LPGAT1: variants seen among roughly 807,000 people sequenced by gnomAD.
LPGAT1 encodes the protein acyl-CoA:lysophosphatidylglycerol acyltransferase 1.
Under a neutral mutation model 47.5 loss-of-function variants are expected in LPGAT1, and 11 were observed. The ratio of observed to expected loss-of-function variants is 0.23; its 90% CI spans 0.15 to 0.38. LPGAT1 has a LOEUF of 0.38. Ranked by LOEUF, LPGAT1 falls within the 10% of genes least tolerant of loss-of-function variation. The pLI, the probability that LPGAT1 is intolerant of heterozygous loss-of-function variation, is 1.00. For missense variants in LPGAT1, 293 were observed against 439.0 expected (o/e 0.67, Z 2.97); for synonymous variants, 138 against 144.2 (o/e 0.96, Z 0.31).
chr1:211,806,027 A>G (rs1387431331), intron 2 of LPGAT1, among the ~76,000 whole-genome samples: 3 of 152,216 alleles, frequency 2.0e-5, no homozygotes, highest in Non-Finnish European at 4.4e-5. Flanking sequence ...TGGGAAGCCA[A>G]GGTGGGTGGA....
chr1:211,782,640 T>A (rs548740568), intron 5 of LPGAT1, among the ~76,000 whole-genome samples: 2 of 151,954 alleles, frequency 1.3e-5, no homozygotes, highest in East Asian at 1.9e-4. Context: ...GAGGTTGAGG[T>A]GGGAAGATCG....
chr1:211,801,167 T>G (rs1291018294), intron 2 of LPGAT1, among the ~76,000 whole-genome samples: 1 of 152,200 alleles, frequency 6.6e-6, no homozygotes, highest in East Asian at 1.9e-4. Flanking sequence ...CACTTCCAGC[T>G]TGAAACAAGG....
chr1:211,801,547 C>CA (rs1283840458), intron 2 of LPGAT1, among the ~76,000 whole-genome samples: 2 of 151,638 alleles, frequency 1.3e-5, no homozygotes, highest in East Asian at 1.9e-4. Flanking sequence ...CTCATCTCTA[C>CA]AAAAAAAATT....
chr1:211,829,135 G>A lies in LPGAT1; in HGVS notation c.162C>T (p.Phe54=), dbSNP rs778835318. Residue 54 remains phenylalanine, a synonymous_variant, in exon 2 of 8, where the codon TTC becomes TTT. Transcript: ENST00000366997. The part of the protein sequence containing the change: ...QPLRVLDSKR[F]WYIEGIMYKW... ...TATACATGATTCCTTCGATATACCAGAACCGCTTACTGTCCAGCACTCGAA... is the reference window on the plus strand; with the variant it reads ...TATACATGATTCCTTCGATATACCAAAACCGCTTACTGTCCAGCACTCGAA... The A allele has an allele frequency of 1.9e-6, 3 of 1,614,060 alleles. No homozygotes were observed. The highest frequency in any genetic ancestry group is 3.3e-4 in the Middle Eastern group (2 of 6,062).
rs572500860 is a variant in LPGAT1, at chr1:211,777,691, T to C, written c.854+1227A>G. ...ATTACCAATTTAATCATTCAGAAAATCTTATGTGGATTAATGATTTAAAAA... is the reference window on the plus strand; with the variant it reads ...ATTACCAATTTAATCATTCAGAAAACCTTATGTGGATTAATGATTTAAAAA... On this transcript the variant is annotated intron_variant, in intron 6 of 7. Coordinates refer to ENST00000366997, the MANE Select transcript of LPGAT1 (RefSeq NM_014873.3). Among the ~76,000 whole-genome samples, 49 of 152,214 alleles carry C rather than the reference T, an allele frequency of 3.2e-4. 1 individual carries two copies. Among genetic ancestry groups the C allele is most frequent in the Admixed American group, 2.7e-3 (41 of 15,290 alleles).
Position 211,793,180 on chromosome 1 carries a change from C to T in LPGAT1, c.249G>A (p.Trp83Ter), listed in dbSNP as rs760308287. 6.2e-7 allele frequency: 1 copy of T among 1,606,278 alleles called. No individual in the cohort carries two copies. ...TTGAAACTGCTTTAATATCTTCTCC[C>T]CATTCCATCACTGTAAGAACAAAAA... The part of the protein sequence containing the change: ...GWYAGYTVME[W>*]GEDIKAVSKD... Residue 83 changes from tryptophan to a stop codon, truncating the protein, a stop_gained, in exon 3 of 8, where the codon TGG (tryptophan) becomes TGA (stop). Transcript: ENST00000366997. LOFTEE classifies it high-confidence loss of function.
chr1:211,766,959 T>C (rs1441993268), intron 6 of LPGAT1, among the ~76,000 whole-genome samples: 2 of 152,160 alleles, frequency 1.3e-5, no homozygotes, highest in South Asian at 2.1e-4. Context: ...TTTCTAAATA[T>C]CTGAAATTAG....
At chr1:211,796,100 T>C (rs1360359321) in intron 2 of LPGAT1, among the ~76,000 whole-genome samples, 6 of 152,112 alleles carry the variant, frequency 3.9e-5, no homozygotes, top group Admixed American at 3.9e-4. Flanking sequence ...TATATGTCAA[T>C]ATAACTGCAA....
intron 3 of LPGAT1, 129 bp downstream of exon 3, chr1:211,792,943 C>T (rs1659192863): frequency 1.0e-5 from 6 of 579,592 alleles, no homozygotes; most frequent in African/African-American, 1.9e-5. Context: ...ATCTCTTGAC[C>T]TCATGATCCA....
intron 6 of LPGAT1, among the ~76,000 whole-genome samples, chr1:211,760,392 T>C (rs1042886513): frequency 1.3e-5 from 2 of 151,744 alleles, no homozygotes; most frequent in Non-Finnish European, 2.9e-5. Context: ...GAGGCAGAGG[T>C]TGCGGTGAGC....
intron 5 of LPGAT1, 138 bp from the exon 6 acceptor site, chr1:211,779,182 T>C (rs1386438920): frequency 8.8e-6 from 5 of 568,834 alleles, no homozygotes; most frequent in Non-Finnish European, 1.5e-5. Context: ...TGAACTTTGG[T>C]GCTCCTGTTC....
At chr1:211,813,943 T>C (rs1660086623) in intron 2 of LPGAT1, among the ~76,000 whole-genome samples, 1 of 152,244 alleles carries the variant, frequency 6.6e-6, no homozygotes, top group Admixed American at 6.5e-5. Flanking sequence ...GAAATCTGAA[T>C]GTTGTAGAGC....
intron 2 of LPGAT1, among the ~76,000 whole-genome samples, chr1:211,812,378 T>C (rs1056762417): frequency 6.6e-6 from 1 of 152,174 alleles, no homozygotes; most frequent in Non-Finnish European, 1.5e-5. Flanking sequence ...AATGTAAGCA[T>C]ATGACACAGA....
At chr1:211,807,095 T>G (rs1659788601) in intron 2 of LPGAT1, among the ~76,000 whole-genome samples, 1 of 152,146 alleles carries the variant, frequency 6.6e-6, no homozygotes, top group African/African-American at 2.4e-5. Flanking sequence ...AAAACTGACA[T>G]AGCTATCAAT....
rs1257751295 is a variant in LPGAT1, at chr1:211,745,083, T to C, written c.*4816A>G. 1 of 152,658 alleles carries C rather than the reference T, an allele frequency of 6.6e-6. No individual in the cohort carries two copies. The highest frequency in any genetic ancestry group is 1.5e-5 in the Non-Finnish European group (1 of 68,030). The allele number at this position is 152,658 out of a possible 1,614,324, so 9.5% of individuals were successfully genotyped here. A position where few individuals can be genotyped will look rare whatever the true frequency, so the allele number is the denominator to read the frequency against. ...GCTTCTTTTGGTGTTCACATCTAAA[T>C]TTCTGAAAAGGTGATCTGGTTACCA... On this transcript the variant is annotated 3_prime_UTR_variant, in exon 8 of 8. Transcript: ENST00000366997.
intron 2 of LPGAT1, among the ~76,000 whole-genome samples, chr1:211,808,785 T>C (rs1174492929): frequency 6.6e-6 from 1 of 152,212 alleles, no homozygotes; most frequent in East Asian, 1.9e-4. Flanking sequence ...ATATCTTTTT[T>C]CCTCCAGATC....
chr1:211,812,371 G>T (rs1660019178), intron 2 of LPGAT1, among the ~76,000 whole-genome samples: 1 of 152,180 alleles, frequency 6.6e-6, no homozygotes, highest in South Asian at 2.1e-4. Flanking sequence ...GATGATTAAT[G>T]TAAGCATATG....
At position 211,743,939 on chromosome 1, in the gene LPGAT1, T is replaced by C. The variant is rs1045853091; in HGVS notation, c.*5960A>G. ...GTTTAAACATCAATAAAACAATTGA[T>C]GTTTTAAATGCTAACATCTTAGAGA... On this transcript the variant is annotated 3_prime_UTR_variant, in exon 8 of 8. Transcript: ENST00000366997. 1 of 152,224 alleles carries C rather than the reference T, an allele frequency of 6.6e-6. No homozygotes were observed. Among genetic ancestry groups the C allele is most frequent in the Non-Finnish European group, 1.5e-5 (1 of 68,032 alleles). The allele number at this position is 152,224 out of a possible 1,614,324, so 9.4% of individuals were successfully genotyped here. A position where few individuals can be genotyped will look rare whatever the true frequency, so the allele number is the denominator to read the frequency against.
At chr1:211,814,169 T>C (rs1224197553) in intron 2 of LPGAT1, among the ~76,000 whole-genome samples, 1 of 152,226 alleles carries the variant, frequency 6.6e-6, no homozygotes, top group South Asian at 2.1e-4. Context: ...CATTATTTAT[T>C]CATCCACAGA....
Sources: allele counts gnomAD v4.1 joint callset (sites outside exome capture counted in the v4.1 genomes callset), GRCh38; gene constraint gnomAD v4.1.1; transcripts MANE v1.5; gene names NCBI Gene and HGNC (gene_info 2026-07-23, HGNC 2026-07-21).